Variants in POT1 observed in about 807,000 individuals in gnomAD.
The protein encoded by POT1 is protection of telomeres protein 1.
A neutral mutation model predicts 78.5 loss-of-function variants in POT1; 47 were observed. That is an observed-to-expected ratio of 0.60 (90% CI 0.47 to 0.76). The LOEUF (loss-of-function observed/expected upper bound fraction) is 0.76, where lower values mean the gene tolerates loss of function less well. Among genes scored for constraint, POT1 ranks in the 30% least tolerant of loss-of-function variants. POT1 has a pLI of 0.00. For missense variants in POT1, 646 were observed against 749.9 expected, an observed-to-expected ratio of 0.86 and a Z score of 1.62; for synonymous variants, 259 against 260.7, an observed-to-expected ratio of 0.99 and a Z score of 0.06.
intron 2 of POT1, among the ~76,000 whole-genome samples, chr7:124,920,406 C>T (rs1797121018): frequency 6.6e-6 from 1 of 152,054 alleles, no homozygotes; most frequent in Admixed American, 6.6e-5. Flanking sequence ...GGTAAGCAGT[C>T]ATGAGTGGTT....
At chr7:124,860,305 TGTC>T (rs1795559366) in intron 8 of POT1, among the ~76,000 whole-genome samples, 1 of 152,136 alleles carries the variant, frequency 6.6e-6, no homozygotes, top group Non-Finnish European at 1.5e-5. Context: ...AACAAGTGTA[TGTC>T]TATAATGTCA....
rs532527492 is a variant in POT1, at chr7:124,901,899, T to C, written c.-153-3525A>G. ...TGCATGCACAAGCTTCAGTAGTTGATTGGATCAAGTGGAAGAAAGGGTATC... is the reference window on the plus strand; with the variant it reads ...TGCATGCACAAGCTTCAGTAGTTGACTGGATCAAGTGGAAGAAAGGGTATC... On this transcript the variant is annotated intron_variant, in intron 3 of 18. Transcript: ENST00000357628. Among the ~76,000 whole-genome samples the C allele has an allele frequency of 2.0e-5, 3 of 152,184 alleles. No individual in the cohort carries two copies. In the South Asian group the frequency reaches 6.2e-4, roughly 32 times the overall value.
intron 12 of POT1, among the ~76,000 whole-genome samples, chr7:124,846,436 T>A (rs996254449): frequency 2.2e-4 from 34 of 151,734 alleles, no homozygotes; most frequent in East Asian, 5.8e-4. Flanking sequence ...TTTCTGAAAA[T>A]TTTTTTTTAA....
At position 124,841,158 on chromosome 7, in the gene POT1, C is replaced by T. The variant is rs1584757364; in HGVS notation, c.1184G>A (p.Gly395Asp). 2 of 1,611,884 alleles carry T rather than the reference C, an allele frequency of 1.2e-6. No individual in the cohort carries two copies. The highest frequency in any genetic ancestry group is 1.7e-6 in the Non-Finnish European group (2 of 1,178,822). Residue 395 changes from glycine (G) to aspartate (D), a missense_variant, in exon 14 of 19, where the codon GGC (glycine) becomes GAC (aspartate). By Grantham distance (94) the Gly-to-Asp change is moderately conservative. This residue lies in a region of POT1 where 394 missense variants were observed against 408.4 expected (regional missense o/e 0.96). Transcript: ENST00000357628. ...CHLLQEVPHE[G>D]DLDIIFQDGA... ...ATCCTGAAAAATTATATCCAAATCGCCCTCATGTGGAACTTCTTGCCTAAA... is the reference window on the plus strand; with the variant it reads ...ATCCTGAAAAATTATATCCAAATCGTCCTCATGTGGAACTTCTTGCCTAAA...
chr7:124,835,483 T>C, intron 14 of POT1, 69 bp from the exon 15 acceptor site: 1 of 1,505,490 alleles, frequency 6.6e-7, no homozygotes, highest in Non-Finnish European at 9.1e-7. Flanking sequence ...TCCTATTAAA[T>C]AACGTGTGAG....
intron 15 of POT1, among the ~76,000 whole-genome samples, 194 bp from the exon 16 acceptor site, chr7:124,829,536 C>A (rs1413325838): frequency 6.6e-6 from 1 of 151,724 alleles, no homozygotes; most frequent in East Asian, 1.9e-4. Context: ...TACATAAGGG[C>A]AATAAAAAAG....
At chr7:124,854,959 C>A (rs1001394328) in intron 9 of POT1, among the ~76,000 whole-genome samples, 1 of 151,530 alleles carries the variant, frequency 6.6e-6, no homozygotes, top group Non-Finnish European at 1.5e-5. Context: ...AAGATATTCA[C>A]ATACAAAAGG....
chr7:124,924,023 A>G (rs1251011997), intron 2 of POT1, among the ~76,000 whole-genome samples: 1 of 151,654 alleles, frequency 6.6e-6, no homozygotes, highest in Non-Finnish European at 1.5e-5. Flanking sequence ...AGTGAAAAAA[A>G]GTAGAAAGAT....
In POT1 at chr7:124,863,333, T is replaced by G. The variant is rs531577689; in HGVS notation, c.546+17A>C. 1.8e-5 allele frequency: 29 copies of G among 1,598,652 alleles called. No homozygotes were observed. In the Middle Eastern group the frequency reaches 5.1e-4, roughly 28 times the overall value. On this transcript the variant is annotated intron_variant, in intron 8 of 18. Coordinates refer to ENST00000357628, the MANE Select transcript of POT1 (RefSeq NM_015450.3). Reference sequence around the variant, plus strand: ...AGTGGTGCTAACTTATAATTCCCAGTATTAAAAAATATGTACCTTTAGAAG... The same window carrying G: ...AGTGGTGCTAACTTATAATTCCCAGGATTAAAAAATATGTACCTTTAGAAG...
At chr7:124,888,006 G>C (rs1427139380) in intron 6 of POT1, among the ~76,000 whole-genome samples, 1 of 151,940 alleles carries the variant, frequency 6.6e-6, no homozygotes, top group Non-Finnish European at 1.5e-5. Flanking sequence ...ATACACCTCT[G>C]TATCAGTTCA....
intron 3 of POT1, chr7:124,900,862 G>T: frequency 2.6e-6 from 1 of 377,848 alleles, no homozygotes; most frequent in Admixed American, 2.6e-5. Context: ...CCCATGCCTG[G>T]CTCATCAGGT....
intron 3 of POT1, among the ~76,000 whole-genome samples, chr7:124,913,379 C>T (rs921326525): frequency 6.6e-6 from 1 of 152,068 alleles, no homozygotes; most frequent in East Asian, 1.9e-4. Context: ...GATAGCAAAT[C>T]CTCATTAGAT....
intron 2 of POT1, among the ~76,000 whole-genome samples, chr7:124,918,602 C>A (rs1797073596): frequency 6.6e-6 from 1 of 152,072 alleles, no homozygotes; most frequent in South Asian, 2.1e-4. Flanking sequence ...TTTGTCCCTG[C>A]CCTTGTTGAA....
At chr7:124,911,206 G>A (rs1379418589) in intron 3 of POT1, among the ~76,000 whole-genome samples, 1 of 152,044 alleles carries the variant, frequency 6.6e-6, no homozygotes, top group Non-Finnish European at 1.5e-5. Context: ...ACAAATAACA[G>A]TAATGACAGC....
At chr7:124,838,514 T>C (rs906250437) in intron 14 of POT1, among the ~76,000 whole-genome samples, 37 of 151,932 alleles carry the variant, frequency 2.4e-4, no homozygotes, top group African/African-American at 8.7e-4. Flanking sequence ...TAAAGGGATC[T>C]AAGAAGATCT....
chr7:124,827,840 G>A (rs1794668331), intron 16 of POT1, among the ~76,000 whole-genome samples: 1 of 152,008 alleles, frequency 6.6e-6, no homozygotes, highest in African/African-American at 2.4e-5. Flanking sequence ...GACCAGCCTG[G>A]CCAACATGAT....
intron 6 of POT1, among the ~76,000 whole-genome samples, chr7:124,888,740 C>G (rs1796302681): frequency 6.6e-6 from 1 of 151,954 alleles, no homozygotes; most frequent in Non-Finnish European, 1.5e-5. Flanking sequence ...CAGACTTTCC[C>G]ATTTTCACTG....
chr7:124,829,497 A>G (rs1290195681), intron 15 of POT1, among the ~76,000 whole-genome samples, 155 bp from the exon 16 acceptor site: 1 of 152,148 alleles, frequency 6.6e-6, no homozygotes, highest in East Asian at 1.9e-4. Flanking sequence ...TGTTTGTTTC[A>G]CAAGAGAATT....
intron 1 of POT1, 44 bp downstream of exon 1, chr7:124,929,750 C>T (rs996256984): frequency 2.6e-5 from 4 of 152,220 alleles, no homozygotes; most frequent in Non-Finnish European, 5.9e-5. Flanking sequence ...TTACGTCTGG[C>T]ACCCACTCAA....
Sources: allele counts gnomAD v4.1 joint callset (sites outside exome capture counted in the v4.1 genomes callset), GRCh38; gene constraint gnomAD v4.1.1; regional missense constraint gnomAD v4.1.1; transcripts MANE v1.5; gene names NCBI Gene and HGNC (gene_info 2026-07-23, HGNC 2026-07-21).